Variants in FRY observed in about 807,000 individuals in gnomAD.
FRY encodes protein furry homolog.
A neutral mutation model predicts 348.4 loss-of-function variants in FRY; 128 were observed. The ratio of observed to expected loss-of-function variants is 0.37; its 90% CI spans 0.32 to 0.43. The LOEUF (loss-of-function observed/expected upper bound fraction) is 0.43, where lower values mean the gene tolerates loss of function less well. FRY is among the 20% of genes least tolerant of loss of function. The pLI is 1.00. For synonymous variants in FRY, 1,370 were observed against 1,374.7 expected, an observed-to-expected ratio of 1.00 and a Z score of 0.08; for missense variants, 2,736 against 3,695.2, an observed-to-expected ratio of 0.74 and a Z score of 6.73.
intron 51 of FRY, chr13:32,257,857 G>A (rs1397689168): frequency 5.5e-6 from 5 of 914,796 alleles, no homozygotes; most frequent in Non-Finnish European, 9.1e-6. Context: ...TAGCACTGTT[G>A]GTTAATGTTG....
At chr13:32,156,568 T>C (rs1207364846) in intron 15 of FRY, among the ~76,000 whole-genome samples, 1 of 126,742 alleles carries the variant, frequency 7.9e-6, no homozygotes, top group Admixed American at 9.6e-5. Flanking sequence ...ACCATTCCAC[T>C]CCAGCCTGGG....
At chr13:32,270,983 C>T (rs967419226) in intron 55 of FRY, among the ~76,000 whole-genome samples, 8 of 152,130 alleles carry the variant, frequency 5.3e-5, no homozygotes, top group East Asian at 1.9e-4. Flanking sequence ...TTACCAAGAC[C>T]GACAGGTCAG....
At chr13:32,032,527 G>A (rs1484922743) in intron 1 of FRY, among the ~76,000 whole-genome samples, 1 of 152,180 alleles carries the variant, frequency 6.6e-6, no homozygotes, top group Non-Finnish European at 1.5e-5. Context: ...ACATAAACAA[G>A]TGAGGTTCTG....
intron 19 of FRY, among the ~76,000 whole-genome samples, chr13:32,173,825 C>T (rs1016736765): frequency 4.6e-5 from 7 of 152,190 alleles, no homozygotes; most frequent in African/African-American, 1.7e-4. Context: ...GGCTATGAAT[C>T]ATTTCCTTCA....
intron 29 of FRY, among the ~76,000 whole-genome samples, chr13:32,194,664 A>G (rs1243852948): frequency 6.6e-6 from 1 of 152,214 alleles, no homozygotes; most frequent in Non-Finnish European, 1.5e-5. Flanking sequence ...TTTACAGAAG[A>G]CCAAACCCAG....
At chr13:32,103,834 G>A (rs78700285) in intron 3 of FRY, among the ~76,000 whole-genome samples, 2,285 of 152,166 alleles carry the variant, frequency 0.015, 56 homozygotes, top group African/African-American at 0.051. Flanking sequence ...AGGCATAGTG[G>A]CACATGTCTG....
intron 35 of FRY, among the ~76,000 whole-genome samples, chr13:32,214,758 A>G (rs1289938257): frequency 2.0e-5 from 3 of 152,188 alleles, no homozygotes; most frequent in Non-Finnish European, 4.4e-5. Flanking sequence ...TACAGTCCTT[A>G]TAGGCAAAGA....
Position 32,265,541 on chromosome 13 carries a change from G to A in FRY, c.7871G>A (p.Ser2624Asn). ...GAACTCCCAGCAGCTTTTGAATGCA[G>A]CGACAGCTTTAGCCTGGACATGACT... ...INELPAAFEC[S>N]DSFSLDMTEG... Residue 2624 changes from serine (S) to asparagine (N), a missense_variant, in exon 54 of 61, where the codon AGC becomes AAC. This residue lies in a region of FRY where 789 missense variants were observed against 996.2 expected (regional missense o/e 0.79). Transcript: ENST00000542859. 1.2e-6 allele frequency: 2 copies of A among 1,614,194 alleles called. No homozygotes were observed. Among genetic ancestry groups the A allele is most frequent in the African/African-American group, 1.3e-5 (1 of 75,048 alleles).
chr13:32,248,455 A>C (rs1041144796), intron 48 of FRY, among the ~76,000 whole-genome samples: 15 of 152,118 alleles, frequency 9.9e-5, no homozygotes, highest in Non-Finnish European at 1.5e-5. Context: ...TGGGTGCAGC[A>C]GACCACCATG....
intron 50 of FRY, among the ~76,000 whole-genome samples, chr13:32,253,211 G>A (rs1399451239): frequency 6.6e-6 from 1 of 152,122 alleles, no homozygotes; most frequent in Non-Finnish European, 1.5e-5. Flanking sequence ...TAGCCCTCAG[G>A]GCTCTTTATC....
chr13:32,131,806 T>C lies in FRY; in HGVS notation c.851T>C (p.Val284Ala), dbSNP rs777960871. The change falls in exon 8 of 61, where the codon GTG (valine) becomes GCG (alanine). Residue 284 changes from valine to alanine, a missense_variant. By Grantham distance (64) the Val-to-Ala change is moderately conservative. This residue lies in a region of FRY where 309 missense variants were observed against 418.1 expected (regional missense o/e 0.74). Transcript: ENST00000542859. ...MKFFRIKMYPVEDFEASLQFM... is the reference protein window; with the variant it reads ...MKFFRIKMYPAEDFEASLQFM... ...TTCTTTCGAATTAAGATGTATCCAGTGGAGGATTTTGAGGCCTCTCTTCAG... is the reference window on the plus strand; with the variant it reads ...TTCTTTCGAATTAAGATGTATCCAGCGGAGGATTTTGAGGCCTCTCTTCAG... 1.2e-6 allele frequency: 2 copies of C among 1,613,934 alleles called. No homozygotes were observed. The highest frequency in any genetic ancestry group is 1.7e-6 in the Non-Finnish European group (2 of 1,179,786).
intron 1 of FRY, among the ~76,000 whole-genome samples, chr13:32,041,085 C>G (rs1872726943): frequency 6.6e-6 from 1 of 152,128 alleles, no homozygotes; most frequent in Non-Finnish European, 1.5e-5. Flanking sequence ...GAGTTTACAA[C>G]TCGTGTTTAC....
rs1882482807 is a variant in FRY at position 32,178,158 on chromosome 13, C to G, written c.2422-19C>G. 6.2e-7 allele frequency: 1 copy of G among 1,613,868 alleles called. No individual in the cohort carries two copies. The highest frequency in any genetic ancestry group is 1.1e-5 in the South Asian group (1 of 91,074). On this transcript the variant is annotated intron_variant, in intron 20 of 60. Transcript: ENST00000542859. The stretch of plus-strand genomic sequence containing the variant: ...CTTCAGTTCGGGTTTAACTTACAAC[C>G]TACCTCTTATACCTACAGGCAACAT...
At chr13:32,263,945 T>C (rs1887797609) in intron 53 of FRY, among the ~76,000 whole-genome samples, 1 of 151,990 alleles carries the variant, frequency 6.6e-6, no homozygotes, top group African/African-American at 2.4e-5. Flanking sequence ...AAGCAGAGGT[T>C]GCAGGTAGCT....
chr13:32,079,801 TA>T (rs1875362819), intron 2 of FRY, among the ~76,000 whole-genome samples: 1 of 152,116 alleles, frequency 6.6e-6, no homozygotes, highest in African/African-American at 2.4e-5. Flanking sequence ...CCACACACCA[TA>T]AAAGAAAAGG....
rs1875304490 is a variant in FRY at position 32,079,099 on chromosome 13, A to G, written c.270+66A>G. On this transcript the variant is annotated intron_variant, in intron 2 of 60. Coordinates refer to ENST00000542859, the MANE Select transcript of FRY (RefSeq NM_023037.3). Reference sequence around the variant, plus strand: ...CTGTATGCTGAATATACTAGATTTAAACACTATAACAAAAGATGGATTGCT... The same window carrying G: ...CTGTATGCTGAATATACTAGATTTAGACACTATAACAAAAGATGGATTGCT... 8.5e-6 allele frequency: 9 copies of G among 1,054,024 alleles called. No homozygotes were observed. The South Asian group carries it at 1.0e-4, about 12-fold the overall frequency. The allele number at this position is 1,054,024 out of a possible 1,614,324, so 65.3% of individuals were successfully genotyped here. A position where few individuals can be genotyped will look rare whatever the true frequency, so the allele number is the denominator to read the frequency against.
Position 32,247,596 on chromosome 13 carries a change from T to C in FRY, c.7008+94T>C, listed in dbSNP as rs894259220. On this transcript the variant is annotated intron_variant, in intron 48 of 60. Transcript: ENST00000542859. ...TTGCCTGGAAAAAAGAAGACTTATT[T>C]GACAGTTATTTCAAATGAAGATTTC... 23 of 991,618 alleles carry C rather than the reference T, an allele frequency of 2.3e-5. No individual in the cohort carries two copies. In the African/African-American group the frequency reaches 3.7e-4, roughly 16 times the overall value. 61.4% of individuals were successfully genotyped at this position (991,618 alleles called of 1,614,324 possible). A position where few individuals can be genotyped will look rare whatever the true frequency, so the allele number is the denominator to read the frequency against.
Position 32,262,491 on chromosome 13 carries a change from C to G in FRY, c.7779+16C>G. 1 of 1,599,358 alleles carries G rather than the reference C, an allele frequency of 6.3e-7. No homozygotes were observed. Among genetic ancestry groups the G allele is most frequent in the Non-Finnish European group, 8.6e-7 (1 of 1,166,716 alleles). The stretch of plus-strand genomic sequence containing the variant: ...GGGTTCAAAGGTGAAGAGATTTTAA[C>G]AATGATGATTTGTACTTCCCTTAAA... On this transcript the variant is annotated intron_variant, in intron 53 of 60. Coordinates refer to ENST00000542859, the MANE Select transcript of FRY (RefSeq NM_023037.3).
intron 3 of FRY, among the ~76,000 whole-genome samples, chr13:32,114,020 G>A (rs1264096027): frequency 6.6e-6 from 1 of 152,114 alleles, no homozygotes; most frequent in Non-Finnish European, 1.5e-5. Flanking sequence ...TATTATAGAT[G>A]AAGTCTGATG....
Sources: gnomAD v4.1 joint callset for allele counts (sites outside exome capture counted in the v4.1 genomes callset) on GRCh38, gnomAD v4.1.1 for gene constraint, gnomAD v4.1.1 regional missense constraint, MANE v1.5 for transcripts, NCBI Gene and HGNC (gene_info 2026-07-23, HGNC 2026-07-21) for gene names.